The following ADAMTSL3 variants were observed in gnomAD, a reference collection of about 807,000 sequenced individuals.
The protein encoded by ADAMTSL3 is ADAMTS like 3.
In ADAMTSL3, 128 loss-of-function variants were observed where a neutral mutation model predicts 201.7. The ratio of observed to expected loss-of-function variants is 0.63; its 90% CI spans 0.55 to 0.73. The LOEUF is 0.73. Ranked by LOEUF, ADAMTSL3 falls within the 30% of genes least tolerant of loss-of-function variation. ADAMTSL3 has a pLI of 0.00. For missense variants in ADAMTSL3, 1,990 were observed against 2,119.6 expected (o/e 0.94, Z 1.20); for synonymous variants, 738 against 748.4 (o/e 0.99, Z 0.23).
chr15:83,983,078 G>A lies in ADAMTSL3; in HGVS notation c.3450G>A (p.Gln1150=), dbSNP rs1320596042. 5 of 1,614,112 alleles carry A rather than the reference G, an allele frequency of 3.1e-6. No homozygotes were observed. The highest frequency in any genetic ancestry group is 4.2e-6 in the Non-Finnish European group (5 of 1,180,022). Residue 1150 remains glutamine, a synonymous_variant, in exon 21 of 30, where the codon CAG becomes CAA. Transcript: ENST00000286744. The part of the protein sequence containing the change: ...GIQEETPPAA[Q]LRGETGSVSQ... ...AGGAAGAGACACCTCCTGCTGCTCA[G>A]CTCAGAGGGGAAACAGGGAGTGTGT...
chr15:83,909,032 C>G (rs2065889801), intron 15 of ADAMTSL3, among the ~76,000 whole-genome samples: 1 of 152,196 alleles, frequency 6.6e-6, no homozygotes, highest in Non-Finnish European at 1.5e-5. Context: ...CACCTGCATT[C>G]CTTGGCTGAT....
intron 4 of ADAMTSL3, among the ~76,000 whole-genome samples, chr15:83,786,007 C>G (rs900922862): frequency 6.6e-6 from 1 of 152,058 alleles, no homozygotes; most frequent in South Asian, 2.1e-4. Context: ...CCACACCTGG[C>G]TGATTTTTGT....
intron 7 of ADAMTSL3, among the ~76,000 whole-genome samples, chr15:83,846,447 A>G (rs2141722028): frequency 6.6e-6 from 1 of 152,354 alleles, no homozygotes; most frequent in East Asian, 1.9e-4. Flanking sequence ...CGAGATGAGC[A>G]TGAGGCGAGA....
chr15:83,885,779 C>T (rs964112115), intron 10 of ADAMTSL3, among the ~76,000 whole-genome samples: 3 of 151,808 alleles, frequency 2.0e-5, no homozygotes, highest in Non-Finnish European at 2.9e-5. Context: ...GGCTGGAGTG[C>T]CGTGGCCAAA....
intron 7 of ADAMTSL3, among the ~76,000 whole-genome samples, chr15:83,853,520 A>G (rs1479976125): frequency 6.6e-6 from 1 of 152,202 alleles, no homozygotes; most frequent in Non-Finnish European, 1.5e-5. Context: ...TTTATCAGGA[A>G]TAATGACTGA....
Position 83,892,784 on chromosome 15 carries a change from T to C in ADAMTSL3, c.1363T>C (p.Leu455=), listed in dbSNP as rs766096701. 1 of 1,614,066 alleles carries C rather than the reference T, an allele frequency of 6.2e-7. No homozygotes were observed. Among genetic ancestry groups the C allele is most frequent in the Non-Finnish European group, 8.5e-7 (1 of 1,179,988 alleles). Residue 455 remains leucine, a synonymous_variant, in exon 13 of 30, where the codon TTG becomes CTG. Coordinates refer to ENST00000286744, the MANE Select transcript of ADAMTSL3 (RefSeq NM_207517.3). ...AGAGGAATCCATGCATGGAGAGATA[T>C]TGCAGGTGGAAGAATGGAAGTGCAT... ...CVEESMHGEI[L]QVEEWKCMYA... is the part of the protein sequence containing the mutation.
chr15:83,923,546 G>C (rs1289525507), intron 16 of ADAMTSL3, among the ~76,000 whole-genome samples: 5 of 152,158 alleles, frequency 3.3e-5, no homozygotes, highest in African/African-American at 1.2e-4. Context: ...CTGTTTGGAA[G>C]GAACACCTTG....
intron 3 of ADAMTSL3, among the ~76,000 whole-genome samples, chr15:83,731,641 A>T (rs1320034555): frequency 6.6e-6 from 1 of 152,132 alleles, no homozygotes; most frequent in African/African-American, 2.4e-5. Context: ...AATAGCCAAG[A>T]TATGGCAATA....
At chr15:83,783,419 A>T (rs1338501993) in intron 4 of ADAMTSL3, among the ~76,000 whole-genome samples, 1 of 152,180 alleles carries the variant, frequency 6.6e-6, no homozygotes, top group African/African-American at 2.4e-5. Context: ...TATATTTTAC[A>T]TTAGATGTAA....
rs1414248947 is a variant in ADAMTSL3, at chr15:83,669,442, C to T, written c.69+13612C>T. On this transcript the variant is annotated intron_variant, in intron 2 of 29. Transcript: ENST00000286744. ...CACAGGCGTGAGCCACTGCACCTGG[C>T]CGGGAGTGAGGTTTTTTTTTTTTTT... is the stretch of plus-strand genomic sequence containing the variant. Among the ~76,000 whole-genome samples, 15 of 145,648 alleles carry T rather than the reference C, an allele frequency of 1.0e-4. No homozygotes were observed. The South Asian group carries it at 1.3e-3, about 13-fold the overall frequency.
chr15:83,762,111 C>T (rs1474446350), intron 3 of ADAMTSL3, among the ~76,000 whole-genome samples: 1 of 151,416 alleles, frequency 6.6e-6, no homozygotes, highest in Non-Finnish European at 1.5e-5. Flanking sequence ...AGTGCGGTGG[C>T]GTGATCTCAG....
intron 7 of ADAMTSL3, among the ~76,000 whole-genome samples, chr15:83,853,952 CTAT>C (rs1213843597): frequency 0.017 from 2,353 of 136,276 alleles, 70 homozygotes; most frequent in African/African-American, 0.059. Context: ...ATCTATCTAT[CTAT>C]CTAATTCCTC....
At chr15:83,888,789 G>C (rs879658958) in intron 10 of ADAMTSL3, among the ~76,000 whole-genome samples, 1 of 152,140 alleles carries the variant, frequency 6.6e-6, no homozygotes, top group African/African-American at 2.4e-5. Context: ...TTTCGACCTT[G>C]CTTTTTATAA....
In ADAMTSL3 at chr15:83,838,270, T is replaced by A. The variant is rs986764283; in HGVS notation, c.727+55T>A. On this transcript the variant is annotated intron_variant, in intron 7 of 29. Coordinates refer to ENST00000286744, the MANE Select transcript of ADAMTSL3 (RefSeq NM_207517.3). The stretch of plus-strand genomic sequence containing the variant: ...ATCATACAAGATATATTTTAGACTG[T>A]CTATTGCTAGAATAACATTTTCTGA... 2.6e-6 allele frequency: 4 copies of A among 1,552,678 alleles called. No homozygotes were observed. The African/African-American group carries it at 5.6e-5, about 22-fold the overall frequency.
chr15:83,979,934 G>T (rs1016172086), intron 20 of ADAMTSL3, among the ~76,000 whole-genome samples: 2 of 152,154 alleles, frequency 1.3e-5, no homozygotes, highest in African/African-American at 4.8e-5. Context: ...GAACTTTGCT[G>T]CACATTTCAG....
chr15:83,887,945 A>C (rs2065429600), intron 10 of ADAMTSL3, among the ~76,000 whole-genome samples: 2 of 152,190 alleles, frequency 1.3e-5, no homozygotes, highest in South Asian at 4.1e-4. Flanking sequence ...ATAGTCATTC[A>C]GAGAGACGTT....
At chr15:83,743,444 C>T (rs1003112427) in intron 3 of ADAMTSL3, among the ~76,000 whole-genome samples, 1 of 143,022 alleles carries the variant, frequency 7.0e-6, no homozygotes, top group African/African-American at 2.6e-5. Context: ...ACCCGGGAAG[C>T]GGAGCTTGCA....
At chr15:83,926,859 C>T (rs960418541) in intron 17 of ADAMTSL3, among the ~76,000 whole-genome samples, 8 of 152,166 alleles carry the variant, frequency 5.3e-5, no homozygotes, top group African/African-American at 1.7e-4. Flanking sequence ...TCAGGTGATC[C>T]ACCTGCCTCG....
At chr15:83,784,497 C>G (rs1256686238) in intron 4 of ADAMTSL3, among the ~76,000 whole-genome samples, 5 of 152,128 alleles carry the variant, frequency 3.3e-5, no homozygotes, top group African/African-American at 1.2e-4. Context: ...AGGTACGATA[C>G]AGAGTTATTC....
Sources: allele counts gnomAD v4.1 joint callset (sites outside exome capture counted in the v4.1 genomes callset), GRCh38; gene constraint gnomAD v4.1.1; transcripts MANE v1.5; gene names NCBI Gene and HGNC (gene_info 2026-07-23, HGNC 2026-07-21).